The following CCDC85C variants were observed in gnomAD, a reference collection of about 807,000 sequenced individuals.
CCDC85C encodes coiled-coil domain-containing protein 85C.
Under a neutral mutation model 38.3 loss-of-function variants are expected in CCDC85C, and 18 were observed. The observed-to-expected ratio is 0.47, with a 90% CI of 0.33 to 0.70. The LOEUF (loss-of-function observed/expected upper bound fraction) is 0.70, where lower values mean the gene tolerates loss of function less well. Ranked by LOEUF, CCDC85C falls within the 30% of genes least tolerant of loss-of-function variation. The probability of loss-of-function intolerance (pLI) is 0.03; values close to 1 mark genes in which losing one functional copy is unlikely to be tolerated. For synonymous variants in CCDC85C, 264 were observed against 293.8 expected (o/e 0.90, Z 1.04); for missense variants, 566 against 621.2 (o/e 0.91, Z 0.94).
In CCDC85C at chr14:99,604,011, C is replaced by T. The variant is rs937514726; in HGVS notation, c.-52G>A. On this transcript the variant is annotated 5_prime_UTR_variant, in exon 1 of 6. Coordinates refer to ENST00000380243, the MANE Select transcript of CCDC85C (RefSeq NM_001144995.2). ...CTCGCCCTCGCCCGGCCGGCGCTTCCCCGCGCCGGGGCTCCGCTGGGCCGG... is the reference window on the plus strand; with the variant it reads ...CTCGCCCTCGCCCGGCCGGCGCTTCTCCGCGCCGGGGCTCCGCTGGGCCGG... 2 of 1,162,488 alleles carry T rather than the reference C, an allele frequency of 1.7e-6. No individual in the cohort carries two copies. Among genetic ancestry groups the T allele is most frequent in the African/African-American group, 3.3e-5 (2 of 61,118 alleles). The allele number at this position is 1,162,488 out of a possible 1,614,324, so 72.0% of individuals were successfully genotyped here.
chr14:99,593,055 G>T (rs961957925), intron 1 of CCDC85C, among the ~76,000 whole-genome samples: 1 of 152,238 alleles, frequency 6.6e-6, no homozygotes, highest in Admixed American at 6.5e-5. Flanking sequence ...GCCTTGGCAT[G>T]GGCAGTGTGG....
At chr14:99,592,089 C>T (rs765071445) in intron 1 of CCDC85C, among the ~76,000 whole-genome samples, 10 of 152,312 alleles carry the variant, frequency 6.6e-5, no homozygotes, top group Non-Finnish European at 1.2e-4. Context: ...AAGGAAGAAT[C>T]GTCTAGACCA....
In CCDC85C at chr14:99,503,203, C is replaced by G; in HGVS notation, c.*12043G>C. The G allele has an allele frequency of 2.9e-6, 2 of 696,508 alleles. No individual in the cohort carries two copies. The highest frequency in any genetic ancestry group is 1.5e-5 in the South Asian group (1 of 65,178). 43.1% of individuals were successfully genotyped at this position (696,508 alleles called of 1,614,324 possible). On this transcript the variant is annotated 3_prime_UTR_variant, in exon 6 of 6. Transcript: ENST00000380243. ...CCAGGAGGGGGCTCTCTGCCCGGCT[C>G]CAGCCCTGCTGCCTGTTTCATCCCT...
In CCDC85C at chr14:99,502,178, TCTA is replaced by T; in HGVS notation, c.*13065_*13067del. ...TAATCATAAATATTAGATCATATTA[TCTA>T]ACCTTTTTTTTTCTTGTTGAACTAG... On this transcript the variant is annotated 3_prime_UTR_variant, in exon 6 of 6. Transcript: ENST00000380243. The T allele has an allele frequency of 6.5e-7, 1 of 1,547,688 alleles. No homozygotes were observed. The highest frequency in any genetic ancestry group is 8.7e-7 in the Non-Finnish European group (1 of 1,145,298).
chr14:99,564,651 A>G (rs1289030228), intron 1 of CCDC85C, among the ~76,000 whole-genome samples: 1 of 152,222 alleles, frequency 6.6e-6, no homozygotes, highest in African/African-American at 2.4e-5. Flanking sequence ...CCTGTCATGC[A>G]GTCCCAGTGG....
rs371150335 is a variant in CCDC85C, at chr14:99,544,277, C to T, written c.794-8189G>A. Among the ~76,000 whole-genome samples the T allele has an allele frequency of 5.3e-5, 8 of 152,144 alleles. No homozygotes were observed. The highest frequency in any genetic ancestry group is 1.4e-4 in the African/African-American group (6 of 41,438). ...GCCAAGGCTCTCTCCATCTAACTCG[C>T]AGCTTCCACACCAACCCCGGGGTTC... On this transcript the variant is annotated intron_variant, in intron 1 of 5. Coordinates refer to ENST00000380243, the MANE Select transcript of CCDC85C (RefSeq NM_001144995.2). This position sits in a 1 kb window ranked among gnomAD's most constrained non-coding sequence, Gnocchi z 5.3.
chr14:99,517,241 G>T, intron 3 of CCDC85C, 58 bp from the exon 4 acceptor site: 1 of 1,348,302 alleles, frequency 7.4e-7, no homozygotes, highest in South Asian at 1.4e-5. Flanking sequence ...AGGAATGACC[G>T]GTGGCTCAGA....
intron 1 of CCDC85C, among the ~76,000 whole-genome samples, chr14:99,599,132 G>A (rs1050491771): frequency 2.9e-4 from 44 of 152,120 alleles, no homozygotes; most frequent in African/African-American, 8.9e-4. Context: ...CAGAGTTAGC[G>A]TGCTCTGTCT....
At chr14:99,589,109 C>G (rs2055057109) in intron 1 of CCDC85C, among the ~76,000 whole-genome samples, 1 of 151,944 alleles carries the variant, frequency 6.6e-6, no homozygotes, top group African/African-American at 2.4e-5. Flanking sequence ...ACAGAGTAAG[C>G]CCTGAGGAGA....
At chr14:99,550,764 T>G (rs975522788) in intron 1 of CCDC85C, among the ~76,000 whole-genome samples, 2 of 152,160 alleles carry the variant, frequency 1.3e-5, no homozygotes, top group Non-Finnish European at 2.9e-5. Context: ...CTGTCCGACC[T>G]TGATGGAAAG....
chr14:99,546,949 G>A (rs544987375), intron 1 of CCDC85C, among the ~76,000 whole-genome samples: 178 of 151,886 alleles, frequency 1.2e-3, no homozygotes, highest in Non-Finnish European at 4.1e-4. Flanking sequence ...TGGGAGGATC[G>A]CTTGAGCCCA....
At chr14:99,542,419 T>C (rs1256461793) in intron 1 of CCDC85C, among the ~76,000 whole-genome samples, 1 of 152,102 alleles carries the variant, frequency 6.6e-6, no homozygotes, top group Non-Finnish European at 1.5e-5. Flanking sequence ...GAAAAACCCG[T>C]CCATAACCAT....
intron 1 of CCDC85C, among the ~76,000 whole-genome samples, chr14:99,556,201 G>A (rs558835425): frequency 3.0e-4 from 45 of 152,362 alleles, no homozygotes; most frequent in African/African-American, 1.1e-3. Flanking sequence ...AGGATCACTT[G>A]AGCCCAGGAG....
chr14:99,525,973 C>T (rs377555304), intron 2 of CCDC85C, among the ~76,000 whole-genome samples: 5 of 152,228 alleles, frequency 3.3e-5, no homozygotes, highest in Admixed American at 6.5e-5. Context: ...TCGGCTCAGC[C>T]GGACAGCCAG....
At chr14:99,515,639 C>G (rs533873653) in intron 5 of CCDC85C, among the ~76,000 whole-genome samples, 5 of 152,208 alleles carry the variant, frequency 3.3e-5, no homozygotes, top group African/African-American at 9.6e-5. Flanking sequence ...CTCGCCCCCC[C>G]TTTAAGTCCT....
chr14:99,503,573 G>A lies in CCDC85C; in HGVS notation c.*11673C>T, dbSNP rs1362132631. ...TCCATTTTTTTCTCATCATACTCAGGATCCCAGTTAACAATTGTGTATTTT... is the reference window on the plus strand; with the variant it reads ...TCCATTTTTTTCTCATCATACTCAGAATCCCAGTTAACAATTGTGTATTTT... On this transcript the variant is annotated 3_prime_UTR_variant, in exon 6 of 6. Coordinates refer to ENST00000380243, the MANE Select transcript of CCDC85C (RefSeq NM_001144995.2). 2.0e-6 allele frequency: 3 copies of A among 1,534,820 alleles called. No individual in the cohort carries two copies. Among genetic ancestry groups the A allele is most frequent in the Non-Finnish European group, 1.8e-6 (2 of 1,132,942 alleles).
At chr14:99,519,488 A>T (rs1471761606) in intron 3 of CCDC85C, among the ~76,000 whole-genome samples, 1 of 152,080 alleles carries the variant, frequency 6.6e-6, no homozygotes, top group Non-Finnish European at 1.5e-5. Flanking sequence ...CAGCTTGTAA[A>T]CAATGGGGCT....
intron 1 of CCDC85C, among the ~76,000 whole-genome samples, chr14:99,568,986 C>T (rs1293120245): frequency 6.6e-6 from 1 of 152,170 alleles, no homozygotes; most frequent in Non-Finnish European, 1.5e-5. Context: ...GGAGGGCTGG[C>T]GCCTGGCACA....
rs1314925262 is a variant in CCDC85C at position 99,503,143 on chromosome 14, A to G, written c.*12103T>C. The G allele has an allele frequency of 8.2e-6, 7 of 849,124 alleles. No homozygotes were observed. The highest frequency in any genetic ancestry group is 1.4e-5 in the Non-Finnish European group (7 of 513,196). 52.6% of individuals were successfully genotyped at this position (849,124 alleles called of 1,614,324 possible). A position where few individuals can be genotyped will look rare whatever the true frequency, so the allele number is the denominator to read the frequency against. ...CTGCTTGTCGGTGGGGAGCCTGAAA[A>G]CAAAGGTGCTCCAAGGACAGGCTGC... On this transcript the variant is annotated 3_prime_UTR_variant, in exon 6 of 6. Coordinates refer to ENST00000380243, the MANE Select transcript of CCDC85C (RefSeq NM_001144995.2).
Sources: gnomAD v4.1 joint callset for allele counts (sites outside exome capture counted in the v4.1 genomes callset) on GRCh38, gnomAD v4.1.1 for gene constraint, Gnocchi (gnomAD v3.1) non-coding constraint, MANE v1.5 for transcripts, NCBI Gene and HGNC (gene_info 2026-07-23, HGNC 2026-07-21) for gene names.